CTDP1: variants seen among roughly 807,000 people sequenced by gnomAD.
CTDP1 encodes RNA polymerase II subunit A C-terminal domain phosphatase.
CTDP1 carries 47 observed loss-of-function variants against 91.8 expected under a neutral mutation model. The ratio of observed to expected loss-of-function variants is 0.51; its 90% CI spans 0.41 to 0.65. The LOEUF (loss-of-function observed/expected upper bound fraction) is 0.65, where lower values mean the gene tolerates loss of function less well. Among genes scored for constraint, CTDP1 ranks in the 30% least tolerant of loss-of-function variants. The probability of loss-of-function intolerance (pLI) is 0.00; values close to 1 mark genes in which losing one functional copy is unlikely to be tolerated. For missense variants in CTDP1, 1,272 were observed against 1,373.7 expected (o/e 0.93, Z 1.17); for synonymous variants, 656 against 598.5 (o/e 1.10, Z -1.40).
chr18:79,703,925 G>T (rs561812811), intron 4 of CTDP1, among the ~76,000 whole-genome samples: 12 of 152,176 alleles, frequency 7.9e-5, no homozygotes, highest in Admixed American at 7.9e-4. Context: ...GGTTATCGGG[G>T]GTGGTTATCC....
At chr18:79,686,833 C>T (rs1425384809) in intron 1 of CTDP1, among the ~76,000 whole-genome samples, 1 of 151,390 alleles carries the variant, frequency 6.6e-6, no homozygotes, top group East Asian at 1.9e-4. Flanking sequence ...GGTGGGCCTG[C>T]ACCGCAGCAG....
intron 3 of CTDP1, 143 bp downstream of exon 3, chr18:79,696,213 A>T (rs1262970286): frequency 6.7e-6 from 5 of 746,394 alleles, no homozygotes; most frequent in African/African-American, 5.2e-5. Context: ...CGGATGACTT[A>T]TGGGACTGCG....
In CTDP1 at chr18:79,680,237, A is replaced by G; in HGVS notation, c.290A>G (p.Gln97Arg). 1.5e-6 allele frequency: 2 copies of G among 1,313,308 alleles called. No individual in the cohort carries two copies. The highest frequency in any genetic ancestry group is 2.2e-5 in the South Asian group (1 of 45,552). The allele number at this position is 1,313,308 out of a possible 1,614,324, so 81.4% of individuals were successfully genotyped here. A position where few individuals can be genotyped will look rare whatever the true frequency, so the allele number is the denominator to read the frequency against. ...GGCGTGGTGCGGGAGCTGTGCGCGC[A>G]GCCGGGCCAGGTGGTCGCCCCAGGG... ...RAGVVRELCA[Q>R]PGQVVAPGAV... Residue 97 changes from glutamine (Q) to arginine (R), a missense_variant, in exon 1 of 13, where the codon CAG becomes CGG. Gln to Arg is a conservative substitution (Grantham distance 43). Around this residue, in one of 3 missense-constraint regions of CTDP1, gnomAD observed 214 missense variants for 179.1 expected, o/e 1.19. Transcript: ENST00000613122.
intron 7 of CTDP1, 149 bp from the exon 8 acceptor site, chr18:79,714,342 G>T: frequency 1.2e-6 from 1 of 855,122 alleles, no homozygotes; most frequent in Non-Finnish European, 1.9e-6. Flanking sequence ...TGCTCACCCT[G>T]TCCGGCCTCT....
chr18:79,682,708 G>C (rs539932227), intron 1 of CTDP1, among the ~76,000 whole-genome samples: 22 of 152,212 alleles, frequency 1.4e-4, no homozygotes, highest in Non-Finnish European at 2.8e-4. Flanking sequence ...CAGGTTGACT[G>C]CGGGACCTGA....
At chr18:79,681,395 T>G in intron 1 of CTDP1, 1 of 923,672 alleles carries the variant, frequency 1.1e-6, no homozygotes, top group Non-Finnish European at 1.3e-6. Context: ...CCTGGGAGGA[T>G]TGTGGAGGCA....
intron 6 of CTDP1, 65 bp downstream of exon 6, chr18:79,710,501 C>T: frequency 8.0e-7 from 1 of 1,256,586 alleles, no homozygotes; most frequent in Non-Finnish European, 1.2e-6. Flanking sequence ...AAAATCGCAT[C>T]TTGAAATTTA....
chr18:79,736,354 GGTGGACGACA>G lies in CTDP1; in HGVS notation c.2581_2590del (p.Val861SerfsTer59). Reference sequence around the variant, plus strand: ...GTCGCTGACTCTTGGCTGTTTGTCAGGTGGACGACATCCTTGGAGAAGGCAGCGACGACAG... The same window carrying G: ...GTCGCTGACTCTTGGCTGTTTGTCAGTCCTTGGAGAAGGCAGCGACGACAG... On this transcript the variant is annotated frameshift_variant and splice_region_variant, in exon 12 of 13. Coordinates refer to ENST00000613122, the MANE Select transcript of CTDP1 (RefSeq NM_004715.5). LOFTEE classifies it high-confidence loss of function. The G allele has an allele frequency of 6.5e-7, 1 of 1,549,164 alleles. No homozygotes were observed. Among genetic ancestry groups the G allele is most frequent in the Non-Finnish European group, 8.7e-7 (1 of 1,146,988 alleles).
chr18:79,748,747 G>A (rs1381918367), intron 12 of CTDP1, among the ~76,000 whole-genome samples: 1 of 152,226 alleles, frequency 6.6e-6, no homozygotes, highest in East Asian at 1.9e-4. Flanking sequence ...CAGCGACAGA[G>A]TCATGATCAG....
At chr18:79,710,485 A>G (rs2086057948) in intron 6 of CTDP1, 49 bp downstream of exon 6, 1 of 1,365,390 alleles carries the variant, frequency 7.3e-7, no homozygotes, top group Non-Finnish European at 1.0e-6. Context: ...TTCATTTCCC[A>G]TTTCAAAAAT....
chr18:79,743,924 GTTCTATCCAACCTCCCGCCCA>G (rs773833304), intron 12 of CTDP1, among the ~76,000 whole-genome samples: 150 of 152,276 alleles, frequency 9.9e-4, no homozygotes, highest in Non-Finnish European at 1.7e-3. Context: ...CCTGCCTCCC[GTTCTATCCAACCTCCCGCCCA>G]TTCTATCCAA....
chr18:79,693,704 C>A (rs1047285859), intron 1 of CTDP1, among the ~76,000 whole-genome samples: 1 of 152,168 alleles, frequency 6.6e-6, no homozygotes, highest in Non-Finnish European at 1.5e-5. Context: ...GAGCCCCGCA[C>A]CGTGTGTCCT....
intron 10 of CTDP1, among the ~76,000 whole-genome samples, chr18:79,718,583 ATGCTTCCTGAGCATGTGGCC>A (rs2086269441): frequency 6.6e-6 from 1 of 152,006 alleles, no homozygotes. Context: ...GCCCTGAGGG[ATGCTTCCTGAGCATGTGGCC>A]TCTGTGCCTG....
Position 79,753,868 on chromosome 18 carries a change from C to T in CTDP1, c.*78C>T, listed in dbSNP as rs996427169. On this transcript the variant is annotated 3_prime_UTR_variant, in exon 13 of 13. Transcript: ENST00000613122. ...ACGTCCCCGGACCAGCCCTCAGTCT[C>T]GGTCCACGCTGCTTTCTTCCCAAAG... 1.1e-5 allele frequency: 17 copies of T among 1,537,658 alleles called. No individual in the cohort carries two copies. The highest frequency in any genetic ancestry group is 2.3e-4 in the Middle Eastern group (1 of 4,372).
chr18:79,752,166 C>T (rs1269063214), intron 12 of CTDP1, among the ~76,000 whole-genome samples: 1 of 152,242 alleles, frequency 6.6e-6, no homozygotes, highest in Non-Finnish European at 1.5e-5. Context: ...CCAGGTGCAC[C>T]TGCAGCGGCT....
chr18:79,733,401 A>G (rs1463959756), intron 11 of CTDP1, among the ~76,000 whole-genome samples: 1 of 152,164 alleles, frequency 6.6e-6, no homozygotes, highest in Non-Finnish European at 1.5e-5. Flanking sequence ...ACTGCGGGGA[A>G]GGGAAGGTGC....
intron 1 of CTDP1, among the ~76,000 whole-genome samples, chr18:79,689,233 C>T (rs139660986): frequency 2.0e-5 from 3 of 152,306 alleles, no homozygotes; most frequent in African/African-American, 7.2e-5. Flanking sequence ...CAGCTGTGCA[C>T]TCTGGTGAGA....
chr18:79,723,894 G>T lies in CTDP1; in HGVS notation c.2418-5013G>T, dbSNP rs532870361. On this transcript the variant is annotated intron_variant, in intron 10 of 12. Coordinates refer to ENST00000613122, the MANE Select transcript of CTDP1 (RefSeq NM_004715.5). Reference sequence around the variant, plus strand: ...TTCTGGAGTTGGCCCTCCTCCCTCAGCCAGTTCCTGGAGCACCTCCGTGCC... The same window carrying T: ...TTCTGGAGTTGGCCCTCCTCCCTCATCCAGTTCCTGGAGCACCTCCGTGCC... 4.6e-5 allele frequency among the ~76,000 whole-genome samples: 7 copies of T among 152,300 alleles called. No homozygotes were observed. The East Asian group carries it at 1.4e-3, about 29-fold the overall frequency.
chr18:79,716,178 A>C (rs1171007429), intron 8 of CTDP1, among the ~76,000 whole-genome samples: 2 of 152,190 alleles, frequency 1.3e-5, no homozygotes, highest in Non-Finnish European at 2.9e-5. Flanking sequence ...CCGCGAATGA[A>C]GATTGCGGTT....
Sources: gnomAD v4.1 joint callset for allele counts (sites outside exome capture counted in the v4.1 genomes callset) on GRCh38, gnomAD v4.1.1 for gene constraint, gnomAD v4.1.1 regional missense constraint, MANE v1.5 for transcripts, NCBI Gene and HGNC (gene_info 2026-07-23, HGNC 2026-07-21) for gene names.